SLC44A3: variants seen among roughly 807,000 people sequenced by gnomAD.
SLC44A3 encodes solute carrier family 44 member 3.
Under a neutral mutation model 75.4 loss-of-function variants are expected in SLC44A3, and 74 were observed. That is an observed-to-expected ratio of 0.98 (90% CI 0.81 to 1.19). The LOEUF (loss-of-function observed/expected upper bound fraction) is 1.19. Among genes scored for constraint, SLC44A3 ranks in the 50% most tolerant of loss-of-function variants. The pLI is 0.00. For missense variants in SLC44A3, 700 were observed against 778.6 expected (o/e 0.90, Z 1.20); for synonymous variants, 310 against 296.9 (o/e 1.04, Z -0.45).
Position 94,858,955 on chromosome 1 carries a change from G to C in SLC44A3, c.1238+1455G>C, listed in dbSNP as rs116474848. On this transcript the variant is annotated intron_variant, in intron 10 of 14. Transcript: ENST00000271227. ...TCCACCCGCCTAGTCCTCCCAAAGT[G>C]CTGGGAATTACAGGATGAGCCACGA... Among the ~76,000 whole-genome samples the C allele has an allele frequency of 7.5e-3, 1,144 of 152,228 alleles. 9 individuals carry two copies. Among genetic ancestry groups the C allele is most frequent in the Non-Finnish European group, 0.011 (739 of 68,022 alleles).
chr1:94,842,205 A>G, intron 8 of SLC44A3, 81 bp downstream of exon 8: 2 of 1,477,944 alleles, frequency 1.4e-6, no homozygotes, highest in Middle Eastern at 1.8e-4. Context: ...AGCCAAAAAC[A>G]ACTATAATTT....
Position 94,824,652 on chromosome 1 carries a change from G to A in SLC44A3, c.278+17G>A. 1 of 1,553,338 alleles carries A rather than the reference G, an allele frequency of 6.4e-7. No individual in the cohort carries two copies. Among genetic ancestry groups the A allele is most frequent in the Non-Finnish European group, 8.7e-7 (1 of 1,154,764 alleles). ...CCTAAAAAAGTAAGTATCTAAATAAGTCCCCAGTCTGTAAGGAACTGTACC... is the reference window on the plus strand; with the variant it reads ...CCTAAAAAAGTAAGTATCTAAATAAATCCCCAGTCTGTAAGGAACTGTACC... On this transcript the variant is annotated intron_variant, in intron 3 of 14. Coordinates refer to ENST00000271227, the MANE Select transcript of SLC44A3 (RefSeq NM_001114106.3).
At chr1:94,835,108 A>C (rs572885573) in intron 5 of SLC44A3, among the ~76,000 whole-genome samples, 37 of 152,330 alleles carry the variant, frequency 2.4e-4, no homozygotes, top group Non-Finnish European at 4.7e-4. Flanking sequence ...ATACCTGACT[A>C]TGAATCTTCA....
intron 5 of SLC44A3, among the ~76,000 whole-genome samples, chr1:94,836,022 A>G (rs10493873): frequency 0.15 from 22,698 of 152,234 alleles, 2,147 homozygotes; most frequent in South Asian, 0.23. Context: ...TGTTTCTGTA[A>G]TATTGAGACT....
At position 94,836,357 on chromosome 1, in the gene SLC44A3, A is replaced by T. The variant is rs6674443; in HGVS notation, c.510-1354A>T. 8.6e-3 allele frequency among the ~76,000 whole-genome samples: 1,315 copies of T among 152,322 alleles called. 18 individuals carry two copies. Among genetic ancestry groups the T allele is most frequent in the African/African-American group, 0.031 (1,268 of 41,558 alleles). ...TACATTTCAGGAAGAAGCTAAAAAA[A>T]GGTCAACTTTCTCATCTACCCAAGG... On this transcript the variant is annotated intron_variant, in intron 5 of 14. Coordinates refer to ENST00000271227, the MANE Select transcript of SLC44A3 (RefSeq NM_001114106.3).
chr1:94,852,926 T>C (rs996249658), intron 9 of SLC44A3, among the ~76,000 whole-genome samples: 6 of 152,246 alleles, frequency 3.9e-5, no homozygotes, highest in African/African-American at 1.4e-4. Context: ...AATTGAAATG[T>C]CTTTTAGACC....
chr1:94,873,043 G>A (rs1380364009), intron 12 of SLC44A3, among the ~76,000 whole-genome samples: 1 of 152,214 alleles, frequency 6.6e-6, no homozygotes, highest in African/African-American at 2.4e-5. Context: ...CAGCGATCCT[G>A]CCAGTAGTTC....
chr1:94,834,329 T>C (rs1662504059), intron 5 of SLC44A3, among the ~76,000 whole-genome samples: 1 of 152,146 alleles, frequency 6.6e-6, no homozygotes, highest in South Asian at 2.1e-4. Flanking sequence ...GAATGGGTCT[T>C]GTCAAAAGGA....
chr1:94,888,521 C>A, intron 12 of SLC44A3: 1 of 226,982 alleles, frequency 4.4e-6, no homozygotes, highest in Non-Finnish European at 7.3e-6. Flanking sequence ...CACATCCCTG[C>A]ACAAGACTCA....
At chr1:94,825,191 A>G (rs1333037144) in intron 3 of SLC44A3, among the ~76,000 whole-genome samples, 1 of 152,216 alleles carries the variant, frequency 6.6e-6, no homozygotes, top group Non-Finnish European at 1.5e-5. Flanking sequence ...GGAAACAGAA[A>G]GGGGAGAGAA....
intron 2 of SLC44A3, among the ~76,000 whole-genome samples, chr1:94,823,096 C>A (rs1441445288): frequency 6.6e-6 from 1 of 152,130 alleles, no homozygotes; most frequent in African/African-American, 2.4e-5. Flanking sequence ...AAAAACTTTC[C>A]ATTCTTCACC....
At chr1:94,881,873 A>G (rs1229259153) in intron 12 of SLC44A3, among the ~76,000 whole-genome samples, 5 of 134,544 alleles carry the variant, frequency 3.7e-5, no homozygotes, top group African/African-American at 1.1e-4. Flanking sequence ...AAAAAAAATT[A>G]GCTGGGCATG....
chr1:94,821,934 C>T (rs778267183), intron 2 of SLC44A3, among the ~76,000 whole-genome samples: 1 of 152,220 alleles, frequency 6.6e-6, no homozygotes, highest in Non-Finnish European at 1.5e-5. Flanking sequence ...GGCTTGGTTA[C>T]AGGCACAGTG....
intron 12 of SLC44A3, among the ~76,000 whole-genome samples, 166 bp from the exon 13 acceptor site, chr1:94,890,964 A>G (rs138596647): frequency 1.3e-5 from 2 of 152,362 alleles, no homozygotes; most frequent in Non-Finnish European, 2.9e-5. Flanking sequence ...ATATGAAAAT[A>G]TATATGGATA....
chr1:94,837,836 G>C lies in SLC44A3; in HGVS notation c.635G>C (p.Arg212Thr). 1 of 1,611,172 alleles carries C rather than the reference G, an allele frequency of 6.2e-7. No homozygotes were observed. Among genetic ancestry groups the C allele is most frequent in the Non-Finnish European group, 8.5e-7 (1 of 1,179,246 alleles). Residue 212 changes from arginine (R) to threonine (T), a missense_variant, in exon 6 of 15, where the codon AGA becomes ACA. Coordinates refer to ENST00000271227, the MANE Select transcript of SLC44A3 (RefSeq NM_001114106.3). Reference protein sequence around the residue: ...HRILSGIMSGRDTILGLCILA... With the variant: ...HRILSGIMSGTDTILGLCILA... ...ATTCTAAGTGGAATCATGTCGGGAA[G>C]AGATACAATCCTTGGCCTGTGTATC...
chr1:94,841,663 C>G (rs1209746863), intron 7 of SLC44A3, among the ~76,000 whole-genome samples: 1 of 152,168 alleles, frequency 6.6e-6, no homozygotes, highest in Non-Finnish European at 1.5e-5. Flanking sequence ...TGAGCTCTGG[C>G]ATTGTCCCTC....
At chr1:94,851,301 C>T (rs1665186368) in intron 9 of SLC44A3, among the ~76,000 whole-genome samples, 1 of 152,178 alleles carries the variant, frequency 6.6e-6, no homozygotes, top group South Asian at 2.1e-4. Flanking sequence ...CATGCCTGCC[C>T]TGTCAGCCCT....
At chr1:94,875,290 G>A (rs1217912830) in intron 12 of SLC44A3, among the ~76,000 whole-genome samples, 1 of 152,160 alleles carries the variant, frequency 6.6e-6, no homozygotes, top group African/African-American at 2.4e-5. Flanking sequence ...CAAGACTAGC[G>A]CCACAATGGG....
chr1:94,889,553 C>CACACACACAAA (rs370393089), intron 12 of SLC44A3, among the ~76,000 whole-genome samples: 1 of 149,428 alleles, frequency 6.7e-6, no homozygotes, highest in Non-Finnish European at 1.5e-5. Context: ...CACACACACA[C>CACACACACAAA]ATTTGTAGTC....
Sources: allele counts gnomAD v4.1 joint callset (sites outside exome capture counted in the v4.1 genomes callset), GRCh38; gene constraint gnomAD v4.1.1; transcripts MANE v1.5; gene names NCBI Gene and HGNC (gene_info 2026-07-23, HGNC 2026-07-21).